FBH1: variants seen among roughly 807,000 people sequenced by gnomAD.
FBH1 encodes the protein DNA 3'-5' helicase 1.
A neutral mutation model predicts 115.5 loss-of-function variants in FBH1; 43 were observed. The ratio of observed to expected loss-of-function variants is 0.37; its 90% CI spans 0.29 to 0.48. FBH1 has a LOEUF of 0.48. Ranked by LOEUF, FBH1 falls within the 20% of genes least tolerant of loss-of-function variation. The probability of loss-of-function intolerance (pLI) is 0.99; values close to 1 mark genes in which losing one functional copy is unlikely to be tolerated. For synonymous variants in FBH1, 524 were observed against 507.8 expected, an observed-to-expected ratio of 1.03 and a Z score of -0.43; for missense variants, 1,001 against 1,337.3, an observed-to-expected ratio of 0.75 and a Z score of 3.92.
Position 5,909,272 on chromosome 10 carries a change from C to G in FBH1, c.998C>G (p.Pro333Arg). The G allele has an allele frequency of 6.2e-7, 1 of 1,611,242 alleles. No homozygotes were observed. Among genetic ancestry groups the G allele is most frequent in the South Asian group, 1.1e-5 (1 of 91,080 alleles). Residue 333 changes from proline (P) to arginine (R), a missense_variant, in exon 5 of 21, where the codon CCC becomes CGC. This residue lies in a region of FBH1 where 420 missense variants were observed against 430.4 expected (regional missense o/e 0.98). Coordinates refer to ENST00000362091, the MANE Select transcript of FBH1 (RefSeq NM_178150.3). The surrounding 1 kb of genome is among the most constrained non-coding windows in gnomAD (Gnocchi z 4.4). ...GAGGCGTGTGTGCGGCAACACCTCC[C>G]CGACCTCTACGCTGCTGCCGGGGTA... ...EAEACVRQHL[P>R]DLYAAAGGVN...
In FBH1 at chr10:5,917,596, T is replaced by G; in HGVS notation, c.1883T>G (p.Leu628Trp). 1 of 1,614,134 alleles carries G rather than the reference T, an allele frequency of 6.2e-7. No individual in the cohort carries two copies. Among genetic ancestry groups the G allele is most frequent in the Non-Finnish European group, 8.5e-7 (1 of 1,180,014 alleles). Residue 628 changes from leucine to tryptophan, a missense_variant, in exon 12 of 21, where the codon TTG becomes TGG. Coordinates refer to ENST00000362091, the MANE Select transcript of FBH1 (RefSeq NM_178150.3). This position sits in a 1 kb window ranked among gnomAD's most constrained non-coding sequence, Gnocchi z 5.6. ...EAHQMTHDGY[L>W]KLWQLSKPSL... Reference sequence around the variant, plus strand: ...GCGTCTCTCCTTATTTTAGGCTACTTGAAACTCTGGCAGCTGAGCAAGCCT... The same window carrying G: ...GCGTCTCTCCTTATTTTAGGCTACTGGAAACTCTGGCAGCTGAGCAAGCCT...
At chr10:5,901,660 G>T (rs922624737) in intron 1 of FBH1, among the ~76,000 whole-genome samples, 12 of 151,400 alleles carry the variant, frequency 7.9e-5, no homozygotes, top group African/African-American at 2.9e-4. Context: ...CGCCTCCCGG[G>T]TTCAAGTGAT....
In FBH1 at chr10:5,924,886, G is replaced by A. The variant is rs1279269930; in HGVS notation, c.2596+378G>A. ...CAGCCTCTTCTGCTGTTTCTTCCCT[G>A]TGTGGAATATCTTTGAGCAAGGATG... is the stretch of plus-strand genomic sequence containing the variant. On this transcript the variant is annotated intron_variant, in intron 17 of 20. Transcript: ENST00000362091. The surrounding 1 kb of genome is among the most constrained non-coding windows in gnomAD (Gnocchi z 6.2). 1 of 382,476 alleles carries A rather than the reference G, an allele frequency of 2.6e-6. No individual in the cohort carries two copies. Among genetic ancestry groups the A allele is most frequent in the South Asian group, 2.0e-5 (1 of 50,310 alleles). The allele number at this position is 382,476 out of a possible 1,614,324, so 23.7% of individuals were successfully genotyped here.
At position 5,925,539 on chromosome 10, in the gene FBH1, G is replaced by A. The variant is rs749542465; in HGVS notation, c.2722+47G>A. On this transcript the variant is annotated intron_variant, in intron 18 of 20. Transcript: ENST00000362091. The surrounding 1 kb of genome is among the most constrained non-coding windows in gnomAD (Gnocchi z 4.6). ...TCAGGTGCTGCTGTATGTAGTGAGT[G>A]GTGACTGGAATGCTTCCTTTGCACG... is the stretch of plus-strand genomic sequence containing the variant. 65 of 1,607,518 alleles carry A rather than the reference G, an allele frequency of 4.0e-5. 1 individual carries two copies. In the South Asian group the frequency reaches 5.1e-4, roughly 13 times the overall value.
In FBH1 at chr10:5,933,208, T is replaced by G. The variant is rs2132130036; in HGVS notation, c.2830-3248T>G. ...TTCAAGACCAGCCTGGCTAACATGG[T>G]GAAACCCTGTCTCTACTAAAAATAC... On this transcript the variant is annotated intron_variant, in intron 19 of 20. Coordinates refer to ENST00000362091, the MANE Select transcript of FBH1 (RefSeq NM_178150.3). The surrounding 1 kb of genome is among the most constrained non-coding windows in gnomAD (Gnocchi z 4.9). Among the ~76,000 whole-genome samples the G allele has an allele frequency of 6.6e-6, 1 of 152,156 alleles. No individual in the cohort carries two copies. The highest frequency in any genetic ancestry group is 2.0e-4 in the East Asian group (1 of 5,128).
At chr10:5,892,615 T>C (rs1407987506) in intron 1 of FBH1, among the ~76,000 whole-genome samples, 1 of 152,238 alleles carries the variant, frequency 6.6e-6, no homozygotes, top group Non-Finnish European at 1.5e-5. Context: ...ATAAACATGG[T>C]ATTCCACAGA....
At position 5,910,548 on chromosome 10, in the gene FBH1, G is replaced by A. The variant is rs1238488558; in HGVS notation, c.1021-390G>A. Among the ~76,000 whole-genome samples, 5 of 152,002 alleles carry A rather than the reference G, an allele frequency of 3.3e-5. No homozygotes were observed. The highest frequency in any genetic ancestry group is 7.4e-5 in the Non-Finnish European group (5 of 68,000). ...CTGCGTCTCTCATGCCTCTTGGGTGGGCGCCCCTTGCTGGCTGTTTTGCTC... is the reference window on the plus strand; with the variant it reads ...CTGCGTCTCTCATGCCTCTTGGGTGAGCGCCCCTTGCTGGCTGTTTTGCTC... On this transcript the variant is annotated intron_variant, in intron 5 of 20. Coordinates refer to ENST00000362091, the MANE Select transcript of FBH1 (RefSeq NM_178150.3). The surrounding 1 kb of genome is among the most constrained non-coding windows in gnomAD (Gnocchi z 4.8).
chr10:5,929,423 G>A (rs1194431970), intron 19 of FBH1: 1 of 152,174 alleles, frequency 6.6e-6, no homozygotes. Flanking sequence ...TCCAGAATTT[G>A]AAATCTGATG....
In FBH1 at chr10:5,924,190, A is replaced by C. The variant is rs1589105085; in HGVS notation, c.2399-121A>C. On this transcript the variant is annotated intron_variant, in intron 16 of 20. Transcript: ENST00000362091. This position sits in a 1 kb window ranked among gnomAD's most constrained non-coding sequence, Gnocchi z 6.2. Reference sequence around the variant, plus strand: ...AGTTAGTGATGCAGTCAGGCCTGGAACCCGGGTCTCCCCACTTTAAGACCA... The same window carrying C: ...AGTTAGTGATGCAGTCAGGCCTGGACCCCGGGTCTCCCCACTTTAAGACCA... 3.0e-4 allele frequency: 261 copies of C among 857,406 alleles called. No homozygotes were observed. The highest frequency in any genetic ancestry group is 3.8e-4 in the Non-Finnish European group (208 of 544,674). 53.1% of individuals were successfully genotyped at this position (857,406 alleles called of 1,614,324 possible). A position where few individuals can be genotyped will look rare whatever the true frequency, so the allele number is the denominator to read the frequency against.
At position 5,918,423 on chromosome 10, in the gene FBH1, G is replaced by T. The variant is rs1276549833; in HGVS notation, c.2045G>T (p.Gly682Val). The T allele has an allele frequency of 6.2e-7, 1 of 1,612,504 alleles. No individual in the cohort carries two copies. Among genetic ancestry groups the T allele is most frequent in the Non-Finnish European group, 8.5e-7 (1 of 1,179,606 alleles). ...CACCAGCAGATCTATACCTTCCGGG[G>T]TGCGGTCAACGCCCTGTTCACAGTG... Reference protein sequence around the residue: ...DPHQQIYTFRGAVNALFTVPH... With the variant: ...DPHQQIYTFRVAVNALFTVPH... The change falls in exon 13 of 21, where the codon GGT (glycine) becomes GTT (valine). Residue 682 changes from glycine (G) to valine (V), a missense_variant. By Grantham distance (109) the Gly-to-Val change is moderately radical. Around this residue, in one of 4 missense-constraint regions of FBH1, gnomAD observed 521 missense variants for 811.0 expected, o/e 0.64. Coordinates refer to ENST00000362091, the MANE Select transcript of FBH1 (RefSeq NM_178150.3). The surrounding 1 kb of genome is among the most constrained non-coding windows in gnomAD (Gnocchi z 4.0).
intron 19 of FBH1, 143 bp downstream of exon 19, chr10:5,927,684 G>A (rs574617017): frequency 6.5e-5 from 40 of 617,172 alleles, no homozygotes; most frequent in African/African-American, 3.9e-4. Context: ...TGCAAAGGCC[G>A]ATGACCAGTA....
At position 5,933,180 on chromosome 10, in the gene FBH1, G is replaced by C. The variant is rs138104929; in HGVS notation, c.2830-3276G>C. Among the ~76,000 whole-genome samples, 2,395 of 152,240 alleles carry C rather than the reference G, an allele frequency of 0.016. 54 individuals are homozygous for C. Among genetic ancestry groups the C allele is most frequent in the East Asian group, 0.048 (244 of 5,130 alleles). ...AGGAGGGCGGATCACTTGATGTCAG[G>C]AGTTCAAGACCAGCCTGGCTAACAT... On this transcript the variant is annotated intron_variant, in intron 19 of 20. Coordinates refer to ENST00000362091, the MANE Select transcript of FBH1 (RefSeq NM_178150.3). The surrounding 1 kb of genome is among the most constrained non-coding windows in gnomAD (Gnocchi z 4.9).
Position 5,924,025 on chromosome 10 carries a change from A to G in FBH1, c.2399-286A>G, listed in dbSNP as rs1375517195. Reference sequence around the variant, plus strand: ...CCAAGTGATAGCGTCGAGCATTTCTATAGCGCTTTTCTTTTCCTGTTGACT... The same window carrying G: ...CCAAGTGATAGCGTCGAGCATTTCTGTAGCGCTTTTCTTTTCCTGTTGACT... On this transcript the variant is annotated intron_variant, in intron 16 of 20. Transcript: ENST00000362091. This position sits in a 1 kb window ranked among gnomAD's most constrained non-coding sequence, Gnocchi z 6.2. 3.5e-6 allele frequency: 2 copies of G among 565,798 alleles called. No homozygotes were observed. Among genetic ancestry groups the G allele is most frequent in the African/African-American group, 1.9e-5 (1 of 53,306 alleles). 35.0% of individuals were successfully genotyped at this position (565,798 alleles called of 1,614,324 possible).
rs1304720956 is a variant in FBH1, at chr10:5,915,464, G to A, written c.1458G>A (p.Leu486=). The A allele has an allele frequency of 3.7e-6, 6 of 1,614,114 alleles. No homozygotes were observed. In the East Asian group the frequency reaches 6.7e-5, roughly 18 times the overall value. Residue 486 remains leucine, a synonymous_variant, in exon 9 of 21, where the codon CTG becomes CTA. Transcript: ENST00000362091. This position sits in a 1 kb window ranked among gnomAD's most constrained non-coding sequence, Gnocchi z 5.2. The part of the protein sequence containing the change: ...YAEKWSQSRF[L]YVTFNKSIAK... ...AGAAGTGGTCTCAGAGCAGGTTTCTGTATGTGACATTCAACAAGAGCATCG... is the reference window on the plus strand; with the variant it reads ...AGAAGTGGTCTCAGAGCAGGTTTCTATATGTGACATTCAACAAGAGCATCG...
chr10:5,903,654 A>G (rs1452081837), intron 2 of FBH1, among the ~76,000 whole-genome samples: 3 of 152,026 alleles, frequency 2.0e-5, no homozygotes, highest in Non-Finnish European at 4.4e-5. Flanking sequence ...ATTCTATCCT[A>G]TTATCATAGT....
intron 2 of FBH1, among the ~76,000 whole-genome samples, chr10:5,903,560 G>A (rs562798076): frequency 8.9e-4 from 135 of 151,820 alleles, no homozygotes; most frequent in African/African-American, 3.0e-3. Flanking sequence ...AACTCCTGAC[G>A]TCAGGTGATC....
Position 5,900,334 on chromosome 10 carries a change from G to A in FBH1, c.2-2686G>A, listed in dbSNP as rs142836208. 2.2e-3 allele frequency among the ~76,000 whole-genome samples: 328 copies of A among 152,306 alleles called. No homozygotes were observed. The highest frequency in any genetic ancestry group is 3.0e-3 in the Non-Finnish European group (202 of 68,022). On this transcript the variant is annotated intron_variant, in intron 1 of 20. Transcript: ENST00000362091. The surrounding 1 kb of genome is among the most constrained non-coding windows in gnomAD (Gnocchi z 4.2). ...TTATCAGACTTAGATGAGATTGGGC[G>A]CGTTCAGGGTGGTATGGCCGTAGAC... is the stretch of plus-strand genomic sequence containing the variant.
Position 5,924,783 on chromosome 10 carries a change from C to T in FBH1, c.2596+275C>T. The T allele has an allele frequency of 1.9e-6, 1 of 514,588 alleles. No individual in the cohort carries two copies. The highest frequency in any genetic ancestry group is 3.7e-6 in the Non-Finnish European group (1 of 267,258). 31.9% of individuals were successfully genotyped at this position (514,588 alleles called of 1,614,324 possible). A position where few individuals can be genotyped will look rare whatever the true frequency, so the allele number is the denominator to read the frequency against. On this transcript the variant is annotated intron_variant, in intron 17 of 20. Transcript: ENST00000362091. The surrounding 1 kb of genome is among the most constrained non-coding windows in gnomAD (Gnocchi z 6.2). ...GTCTCACCATGTTGGCCAGGCTGGT[C>T]TCGAACTCCCAACCTCAGGTAATCT...
Position 5,917,279 on chromosome 10 carries a change from G to A in FBH1, c.1789-141G>A. 1.5e-6 allele frequency: 1 copy of A among 674,934 alleles called. No homozygotes were observed. The highest frequency in any genetic ancestry group is 2.7e-6 in the Non-Finnish European group (1 of 376,042). The allele number at this position is 674,934 out of a possible 1,614,324, so 41.8% of individuals were successfully genotyped here. A position where few individuals can be genotyped will look rare whatever the true frequency, so the allele number is the denominator to read the frequency against. ...GTGGAGAGGCTGTTGAGGAGACCCA[G>A]GAGGTTAGGGTGGTGTCTGCGGTCC... is the stretch of plus-strand genomic sequence containing the variant. On this transcript the variant is annotated intron_variant, in intron 10 of 20. Transcript: ENST00000362091. The surrounding 1 kb of genome is among the most constrained non-coding windows in gnomAD (Gnocchi z 5.6).
Sources: gnomAD v4.1 joint callset for allele counts (sites outside exome capture counted in the v4.1 genomes callset) on GRCh38, gnomAD v4.1.1 for gene constraint, gnomAD v4.1.1 regional missense constraint, Gnocchi (gnomAD v3.1) non-coding constraint, MANE v1.5 for transcripts, NCBI Gene and HGNC (gene_info 2026-07-23, HGNC 2026-07-21) for gene names.